CSNK2A2: variants seen among roughly 807,000 people sequenced by gnomAD.
CSNK2A2 encodes the protein casein kinase II subunit alpha'.
Under a neutral mutation model 54.0 loss-of-function variants are expected in CSNK2A2, and 8 were observed. That is an observed-to-expected ratio of 0.15 (90% CI 0.09 to 0.27). The LOEUF is 0.27. CSNK2A2 is among the 10% of genes least tolerant of loss of function. The pLI, the probability that CSNK2A2 is intolerant of heterozygous loss-of-function variation, is 1.00. For missense variants in CSNK2A2, 242 were observed against 439.4 expected, an observed-to-expected ratio of 0.55 and a Z score of 4.02; for synonymous variants, 141 against 153.9, an observed-to-expected ratio of 0.92 and a Z score of 0.62.
intron 5 of CSNK2A2, among the ~76,000 whole-genome samples, chr16:58,171,352 G>C (rs879410803): frequency 2.6e-5 from 4 of 151,910 alleles, no homozygotes; most frequent in Non-Finnish European, 4.4e-5. Context: ...GTGAAACCCC[G>C]TTTCTACTAA....
At chr16:58,169,400 G>A (rs769694966) in intron 5 of CSNK2A2, among the ~76,000 whole-genome samples, 7 of 152,098 alleles carry the variant, frequency 4.6e-5, no homozygotes, top group Non-Finnish European at 8.8e-5. Flanking sequence ...GTGGTGGTGC[G>A]TGCCTGTAAT....
At chr16:58,191,452 C>A (rs1962319426) in intron 2 of CSNK2A2, among the ~76,000 whole-genome samples, 1 of 152,150 alleles carries the variant, frequency 6.6e-6, no homozygotes, top group Non-Finnish European at 1.5e-5. Context: ...ACCTCTGCCT[C>A]CCGGGTTCAA....
At chr16:58,184,192 TAC>T in intron 4 of CSNK2A2, 66 bp downstream of exon 4, 1 of 1,255,284 alleles carries the variant, frequency 8.0e-7, no homozygotes, top group Non-Finnish European at 1.1e-6. Flanking sequence ...GGTTCTGGAG[TAC>T]ACAGTATTTA....
chr16:58,180,524 A>T (rs1962009365), intron 4 of CSNK2A2, among the ~76,000 whole-genome samples: 3 of 152,296 alleles, frequency 2.0e-5, no homozygotes, highest in African/African-American at 7.2e-5. Context: ...TATGTTTTAA[A>T]AAGGAAAGTA....
At chr16:58,179,207 T>C (rs1294541344) in intron 4 of CSNK2A2, among the ~76,000 whole-genome samples, 11 of 151,672 alleles carry the variant, frequency 7.3e-5, no homozygotes, top group Admixed American at 5.3e-4. Context: ...AAAATAGAAA[T>C]AGAAAGGAGA....
intron 5 of CSNK2A2, chr16:58,174,075 A>G (rs532090237): frequency 6.2e-6 from 1 of 161,368 alleles, no homozygotes; most frequent in East Asian, 1.9e-4. Context: ...ACTGAGACCT[A>G]AAGAATCACC....
At chr16:58,167,940 G>A (rs1015332978) in intron 6 of CSNK2A2, 145 bp from the exon 7 acceptor site, 1 of 649,002 alleles carries the variant, frequency 1.5e-6, no homozygotes, top group Non-Finnish European at 2.7e-6. Flanking sequence ...TACATTTTCA[G>A]CAATCGTGCA....
chr16:58,163,549 ACGTG>A (rs1196946620), intron 11 of CSNK2A2: 1 of 151,988 alleles, frequency 6.6e-6, no homozygotes, highest in Non-Finnish European at 1.5e-5. Flanking sequence ...AATACATAAA[ACGTG>A]GATTTGTAAA....
chr16:58,176,321 T>C (rs954195314), intron 4 of CSNK2A2, among the ~76,000 whole-genome samples: 12 of 152,196 alleles, frequency 7.9e-5, no homozygotes, highest in African/African-American at 2.7e-4. Flanking sequence ...GTATAAATGG[T>C]GTAAGCCATA....
intron 6 of CSNK2A2, among the ~76,000 whole-genome samples, chr16:58,168,408 T>C (rs1266564105): frequency 6.6e-6 from 1 of 152,218 alleles, no homozygotes; most frequent in East Asian, 1.9e-4. Context: ...TATAGTTAGT[T>C]ACTATAGTTA....
Position 58,157,980 on chromosome 16 carries a change from C to T in CSNK2A2, c.*391G>A, listed in dbSNP as rs1597101698. On this transcript the variant is annotated 3_prime_UTR_variant, in exon 12 of 12. Coordinates refer to ENST00000262506, the MANE Select transcript of CSNK2A2 (RefSeq NM_001896.4). ...TATGTAACTGCCGCCATGCCACATA[C>T]TGCGCCCGTCCCCCCACTGTGGAGT... is the stretch of plus-strand genomic sequence containing the variant. 6.6e-6 allele frequency: 1 copy of T among 152,616 alleles called. No homozygotes were observed. The highest frequency in any genetic ancestry group is 6.5e-5 in the Admixed American group (1 of 15,282). 9.5% of individuals were successfully genotyped at this position (152,616 alleles called of 1,614,324 possible).
intron 2 of CSNK2A2, among the ~76,000 whole-genome samples, chr16:58,195,801 T>C (rs774561762): frequency 4.6e-5 from 7 of 152,200 alleles, no homozygotes; most frequent in Non-Finnish European, 1.0e-4. Context: ...CTAAACCATA[T>C]ATTAAGATAG....
intron 2 of CSNK2A2, among the ~76,000 whole-genome samples, chr16:58,188,384 A>G (rs538925266): frequency 5.9e-5 from 9 of 152,318 alleles, no homozygotes; most frequent in African/African-American, 1.9e-4. Flanking sequence ...ACTTTGGGGG[A>G]AAAAAGCACT....
In CSNK2A2 at chr16:58,182,117, G is replaced by C. The variant is rs1962057414; in HGVS notation, c.369+2143C>G. Among the ~76,000 whole-genome samples, 5 of 152,078 alleles carry C rather than the reference G, an allele frequency of 3.3e-5. No individual in the cohort carries two copies. The South Asian group carries it at 1.0e-3, about 32-fold the overall frequency. On this transcript the variant is annotated intron_variant, in intron 4 of 11. Transcript: ENST00000262506. ...AATCCCTTTAAAGAAAGCTACAAGA[G>C]AATGTATGAAACATCCCCTTTGAGG...
At chr16:58,159,689 G>A (rs1008394368) in intron 11 of CSNK2A2, 10 of 152,200 alleles carry the variant, frequency 6.6e-5, no homozygotes, top group African/African-American at 2.4e-4. Context: ...GATACAAAGA[G>A]GTGGCCAATT....
chr16:58,194,296 C>G (rs1482814707), intron 2 of CSNK2A2, among the ~76,000 whole-genome samples: 1 of 152,200 alleles, frequency 6.6e-6, no homozygotes, highest in Non-Finnish European at 1.5e-5. Context: ...GTCATAACTT[C>G]AACTTATTTG....
intron 11 of CSNK2A2, chr16:58,163,295 A>G (rs1312028410): frequency 6.6e-6 from 1 of 151,970 alleles, no homozygotes; most frequent in African/African-American, 2.4e-5. Context: ...CAACAAAAAA[A>G]TAGCAACAAG....
chr16:58,188,768 C>T (rs1292015194), intron 2 of CSNK2A2, among the ~76,000 whole-genome samples: 1 of 152,044 alleles, frequency 6.6e-6, no homozygotes, highest in East Asian at 1.9e-4. Context: ...GGAAGAAATA[C>T]ATAACATAAA....
chr16:58,172,745 C>T (rs975281805), intron 5 of CSNK2A2, among the ~76,000 whole-genome samples: 1 of 152,186 alleles, frequency 6.6e-6, no homozygotes, highest in African/African-American at 2.4e-5. Context: ...TTTAAAATCT[C>T]GTACAGTTTC....
Sources: gnomAD v4.1 joint callset for allele counts (sites outside exome capture counted in the v4.1 genomes callset) on GRCh38, gnomAD v4.1.1 for gene constraint, MANE v1.5 for transcripts, NCBI Gene and HGNC (gene_info 2026-07-23, HGNC 2026-07-21) for gene names.